The following LARP1B variants were observed in gnomAD, a reference collection of about 807,000 sequenced individuals.
The protein encoded by LARP1B is La ribonucleoprotein 1B, also known as la-related protein 1B.
A neutral mutation model predicts 114.2 loss-of-function variants in LARP1B; 76 were observed. The observed-to-expected ratio is 0.67, with a 90% CI of 0.55 to 0.81. The LOEUF (loss-of-function observed/expected upper bound fraction) is 0.81, where lower values mean the gene tolerates loss of function less well. Among genes scored for constraint, LARP1B ranks in the 30% least tolerant of loss-of-function variants. The pLI is 0.00. For missense variants in LARP1B, 1,014 were observed against 1,075.8 expected (o/e 0.94, Z 0.80); for synonymous variants, 345 against 348.0 (o/e 0.99, Z 0.10).
intron 5 of LARP1B, among the ~76,000 whole-genome samples, chr4:128,083,811 A>C (rs1456505642): frequency 1.4e-4 from 20 of 140,646 alleles, no homozygotes; most frequent in Non-Finnish European, 2.7e-4. Flanking sequence ...TGACCCCCCC[A>C]CCTCCCTCCC....
At chr4:128,094,656 GA>G in intron 7 of LARP1B, among the ~76,000 whole-genome samples, 1 of 152,054 alleles carries the variant, frequency 6.6e-6, no homozygotes, top group South Asian at 2.1e-4. Flanking sequence ...GCCTGGCCAG[GA>G]CAGTTTGTTA....
At chr4:128,157,212 A>G (rs545860300) in intron 11 of LARP1B, among the ~76,000 whole-genome samples, 132 of 152,314 alleles carry the variant, frequency 8.7e-4, no homozygotes, top group African/African-American at 3.0e-3. Flanking sequence ...TGGAAATTTT[A>G]GAAATACAAA....
intron 15 of LARP1B, among the ~76,000 whole-genome samples, chr4:128,188,118 A>G (rs953068748): frequency 6.1e-5 from 9 of 146,706 alleles, no homozygotes; most frequent in Non-Finnish European, 1.2e-4. Context: ...CTTGTTGCCC[A>G]GGCTCAAGTG....
Position 128,178,597 on chromosome 4 carries a change from A to G in LARP1B, c.1851A>G (p.Pro617=). 1 of 1,614,138 alleles carries G rather than the reference A, an allele frequency of 6.2e-7. No individual in the cohort carries two copies. The highest frequency in any genetic ancestry group is 8.5e-7 in the Non-Finnish European group (1 of 1,180,014). ...GGTTACAAGATCCTAACAAAACACC[A>G]AGATTTTATCCTGTTGTTAAAGAAC... ...TPRLQDPNKT[P]RFYPVVKEPK... Residue 617 remains proline, a synonymous_variant, in exon 14 of 20, where the codon CCA becomes CCG. Transcript: ENST00000326639.
intron 1 of LARP1B, among the ~76,000 whole-genome samples, chr4:128,066,582 A>G (rs748899203): frequency 6.7e-6 from 1 of 148,508 alleles, no homozygotes; most frequent in Non-Finnish European, 1.5e-5. Context: ...GGTTCCCCCG[A>G]TTCTCCTGCC....
At chr4:128,155,789 A>G in intron 11 of LARP1B, 3 of 1,593,372 alleles carry the variant, frequency 1.9e-6, no homozygotes, top group Non-Finnish European at 2.6e-6. Flanking sequence ...GACTTCCTGC[A>G]GGCGGAGACT....
intron 10 of LARP1B, among the ~76,000 whole-genome samples, chr4:128,120,931 C>T (rs958220534): frequency 6.6e-5 from 10 of 151,548 alleles, no homozygotes; most frequent in Admixed American, 6.6e-4. Context: ...CTGCCTCAGC[C>T]TCCCGAGTAG....
intron 11 of LARP1B, among the ~76,000 whole-genome samples, chr4:128,133,143 G>A (rs200746577): frequency 7.2e-5 from 11 of 152,278 alleles, no homozygotes; most frequent in South Asian, 2.1e-4. Flanking sequence ...CCACTCAACC[G>A]TGGTTCCTAA....
intron 12 of LARP1B, among the ~76,000 whole-genome samples, chr4:128,170,663 G>A (rs1485753943): frequency 3.3e-5 from 5 of 151,770 alleles, no homozygotes; most frequent in Non-Finnish European, 4.4e-5. Flanking sequence ...CTTTCTCATG[G>A]TATGTGATGT....
chr4:128,173,242 C>T lies in LARP1B; in HGVS notation c.1649-3630C>T, dbSNP rs80252988. Among the ~76,000 whole-genome samples the T allele has an allele frequency of 1.2e-3, 182 of 152,196 alleles. 2 individuals are homozygous for T. In the East Asian group the frequency reaches 0.031, roughly 26 times the overall value. ...AGCCTGCCACGGGCCAATGTGATAACGCTGGTCATTTACATATGGCCTCTC... is the reference window on the plus strand; with the variant it reads ...AGCCTGCCACGGGCCAATGTGATAATGCTGGTCATTTACATATGGCCTCTC... On this transcript the variant is annotated intron_variant, in intron 12 of 19. Coordinates refer to ENST00000326639, the MANE Select transcript of LARP1B (RefSeq NM_018078.4).
intron 15 of LARP1B, among the ~76,000 whole-genome samples, chr4:128,190,184 T>C (rs1751764564): frequency 6.6e-6 from 1 of 152,216 alleles, no homozygotes; most frequent in South Asian, 2.1e-4. Context: ...AGGAAAACTT[T>C]GCTGGGTACA....
At chr4:128,098,466 T>G in intron 8 of LARP1B, 136 bp downstream of exon 8, 1 of 646,566 alleles carries the variant, frequency 1.5e-6, no homozygotes, top group East Asian at 2.8e-5. Flanking sequence ...CATGATGTTT[T>G]TCTATTTTGT....
intron 15 of LARP1B, among the ~76,000 whole-genome samples, chr4:128,198,183 G>A (rs1754891172): frequency 6.6e-6 from 1 of 151,956 alleles, no homozygotes; most frequent in East Asian, 1.9e-4. Flanking sequence ...ACCACACCCA[G>A]CCCCATTGTA....
chr4:128,073,592 T>TGG (rs1561057219), intron 1 of LARP1B, among the ~76,000 whole-genome samples: 1 of 40,638 alleles, frequency 2.5e-5, no homozygotes, highest in Non-Finnish European at 5.0e-5. Context: ...TTTTTTTTTT[T>TGG]TTTTTTTTTT....
Position 128,132,159 on chromosome 4 carries a change from T to C in LARP1B, c.1524+9971T>C, listed in dbSNP as rs750005625. ...AAAAAATGAACAGAACTCAGATTTT[T>C]ATTAACTGATGTTTGGATGAATGTG... On this transcript the variant is annotated intron_variant, in intron 11 of 19. Transcript: ENST00000326639. Among the ~76,000 whole-genome samples, 16 of 152,354 alleles carry C rather than the reference T, an allele frequency of 1.1e-4. No homozygotes were observed. In the South Asian group the frequency reaches 3.3e-3, roughly 32 times the overall value.
chr4:128,121,805 A>G (rs1294356579), intron 10 of LARP1B, 21 bp from the exon 11 acceptor site: 1 of 1,462,106 alleles, frequency 6.8e-7, no homozygotes, highest in East Asian at 2.4e-5. Flanking sequence ...TTTTATATAA[A>G]TTACCAATTT....
At position 128,091,078 on chromosome 4, in the gene LARP1B, G is replaced by C. The variant is rs564633746; in HGVS notation, c.436G>C (p.Gly146Arg). The C allele has an allele frequency of 2.2e-5, 35 of 1,614,002 alleles. No individual in the cohort carries two copies. Among genetic ancestry groups the C allele is most frequent in the Admixed American group, 3.3e-5 (2 of 59,996 alleles). ...GAGAAGTGAGGGTGGTAATATCCGA[G>C]GTTCCTTTAGAGGTCGAGGAAGAGG... ...SVRSEGGNIRGSFRGRGRGRG... is the reference protein window; with the variant it reads ...SVRSEGGNIRRSFRGRGRGRG... Residue 146 changes from glycine (G) to arginine (R), a missense_variant, in exon 6 of 20, where the codon GGT becomes CGT. Physicochemically the swap from Gly to Arg is moderately radical, Grantham distance 125. Transcript: ENST00000326639.
chr4:128,062,355 A>G, intron 1 of LARP1B: 1 of 851,746 alleles, frequency 1.2e-6, no homozygotes, highest in Non-Finnish European at 1.4e-6. Context: ...GTCGGAGGTA[A>G]TTTGTTCCAA....
chr4:128,083,803 A>AC lies in LARP1B; in HGVS notation c.358+1505dup, dbSNP rs1158658923. ...GGGCGGCTGGCCGGGCGGGGGGCTG[A>AC]CCCCCCCACCTCCCTCCCGGACGGG... On this transcript the variant is annotated intron_variant, in intron 5 of 19. Transcript: ENST00000326639. Among the ~76,000 whole-genome samples, 840 of 126,646 alleles carry AC rather than the reference A, an allele frequency of 6.6e-3. 6 individuals carry two copies. Among genetic ancestry groups the AC allele is most frequent in the Admixed American group, 0.018 (223 of 12,582 alleles). The allele number at this position is 126,646 out of a possible 152,430, so 83.1% of individuals were successfully genotyped here. A position where few individuals can be genotyped will look rare whatever the true frequency, so the allele number is the denominator to read the frequency against.
Sources: allele counts gnomAD v4.1 joint callset (sites outside exome capture counted in the v4.1 genomes callset), GRCh38; gene constraint gnomAD v4.1.1; transcripts MANE v1.5; gene names NCBI Gene and HGNC (gene_info 2026-07-23, HGNC 2026-07-21).